The following PTPRM variants were observed in gnomAD, a reference collection of about 807,000 sequenced individuals.
PTPRM encodes the protein protein tyrosine phosphatase receptor type M.
Under a neutral mutation model 186.7 loss-of-function variants are expected in PTPRM, and 47 were observed. That is an observed-to-expected ratio of 0.25 (90% CI 0.20 to 0.32). The LOEUF is 0.32. Among genes scored for constraint, PTPRM ranks in the 10% least tolerant of loss-of-function variants. The pLI, the probability that PTPRM is intolerant of heterozygous loss-of-function variation, is 1.00. For synonymous variants in PTPRM, 668 were observed against 674.9 expected (o/e 0.99, Z 0.16); for missense variants, 1,494 against 1,865.0 (o/e 0.80, Z 3.66).
intron 31 of PTPRM, among the ~76,000 whole-genome samples, chr18:8,387,505 A>AG (rs2095783974): frequency 7.9e-6 from 1 of 127,354 alleles, no homozygotes; most frequent in South Asian, 2.5e-4. Context: ...TGCCAAGAGG[A>AG]AAAAAAAAAA....
At chr18:7,893,523 G>C (rs182430356) in intron 3 of PTPRM, among the ~76,000 whole-genome samples, 29 of 152,312 alleles carry the variant, frequency 1.9e-4, no homozygotes, top group Admixed American at 3.9e-4. Flanking sequence ...GAAGATCAGA[G>C]CAAAAATATT....
At chr18:7,871,143 A>G (rs1462110851) in intron 2 of PTPRM, among the ~76,000 whole-genome samples, 5 of 152,250 alleles carry the variant, frequency 3.3e-5, no homozygotes, top group Non-Finnish European at 5.9e-5. Context: ...ATAACTGTGG[A>G]CATGCTGTTC....
At chr18:7,632,046 A>G (rs565228843) in intron 1 of PTPRM, among the ~76,000 whole-genome samples, 22 of 152,352 alleles carry the variant, frequency 1.4e-4, no homozygotes, top group African/African-American at 5.3e-4. Context: ...GTTCTATGCT[A>G]GGCACGTTGT....
chr18:8,127,816 C>G (rs185176694), intron 13 of PTPRM, among the ~76,000 whole-genome samples: 1 of 152,088 alleles, frequency 6.6e-6, no homozygotes, highest in Non-Finnish European at 1.5e-5. Flanking sequence ...GAGAGCTGGC[C>G]CTACCATGAG....
At chr18:8,296,641 G>A (rs564088848) in intron 20 of PTPRM, among the ~76,000 whole-genome samples, 186 bp downstream of exon 20, 42 of 152,274 alleles carry the variant, frequency 2.8e-4, no homozygotes, top group African/African-American at 9.9e-4. Context: ...TCATTGTACT[G>A]TTGTCGTGGG....
At chr18:8,176,477 C>T (rs1472673684) in intron 14 of PTPRM, among the ~76,000 whole-genome samples, 1 of 152,052 alleles carries the variant, frequency 6.6e-6, no homozygotes, top group Non-Finnish European at 1.5e-5. Context: ...TCACAATGTC[C>T]CTGTGTGAAA....
intron 14 of PTPRM, among the ~76,000 whole-genome samples, chr18:8,220,018 C>T (rs2094137187): frequency 6.6e-6 from 1 of 152,098 alleles, no homozygotes; most frequent in Non-Finnish European, 1.5e-5. Flanking sequence ...CCATCACATC[C>T]AGGAACTCAG....
intron 3 of PTPRM, among the ~76,000 whole-genome samples, chr18:7,889,087 C>T (rs1277935532): frequency 1.3e-5 from 2 of 152,094 alleles, no homozygotes; most frequent in Non-Finnish European, 2.9e-5. Context: ...AACAAACCTG[C>T]ACCTGTTCCT....
intron 4 of PTPRM, among the ~76,000 whole-genome samples, chr18:7,924,773 G>A (rs1007704050): frequency 3.3e-5 from 5 of 152,172 alleles, no homozygotes; most frequent in Non-Finnish European, 1.5e-5. Flanking sequence ...GAAGCTTCAT[G>A]GAAGGAACAG....
At position 7,991,567 on chromosome 18, in the gene PTPRM, A is replaced by G. The variant is rs146551762; in HGVS notation, c.1132+36153A>G. ...GGTCTAATTTCATTAACATTCTTGC[A>G]GCAAATAATTTTCCTGAATGAAAGG... On this transcript the variant is annotated intron_variant, in intron 7 of 32. Transcript: ENST00000580170. Among the ~76,000 whole-genome samples the G allele has an allele frequency of 1.4e-4, 21 of 152,318 alleles. No homozygotes were observed. The East Asian group carries it at 3.9e-3, about 28-fold the overall frequency.
Position 8,296,402 on chromosome 18 carries a change from C to G in PTPRM, c.2789C>G (p.Ser930Trp), listed in dbSNP as rs144207270. The change falls in exon 20 of 33, where the codon TCG (serine) becomes TGG (tryptophan). Residue 930 changes from serine (S) to tryptophan (W), a missense_variant. Transcript: ENST00000580170. ...GAAGGGCAGTCTGCACCATGGGACT[C>G]GGCTAAGAAAGATGAGAACAGAATG... ...FFEGQSAPWD[S>W]AKKDENRMKN... The G allele has an allele frequency of 2.4e-4, 381 of 1,611,302 alleles. 1 individual carries two copies. In the African/African-American group the frequency reaches 4.5e-3, roughly 19 times the overall value.
chr18:7,757,855 G>T (rs1279172089), intron 1 of PTPRM, among the ~76,000 whole-genome samples: 2 of 152,056 alleles, frequency 1.3e-5, no homozygotes. Flanking sequence ...CCCAAGCCCA[G>T]GGTGAAGAGT....
chr18:7,687,029 G>T (rs940984162), intron 1 of PTPRM, among the ~76,000 whole-genome samples: 2 of 152,116 alleles, frequency 1.3e-5, no homozygotes, highest in African/African-American at 4.8e-5. Context: ...TAAGGTTATT[G>T]CTTCTGGCTT....
At chr18:8,222,417 A>G (rs2094163839) in intron 14 of PTPRM, among the ~76,000 whole-genome samples, 1 of 152,192 alleles carries the variant, frequency 6.6e-6, no homozygotes, top group South Asian at 2.1e-4. Flanking sequence ...TCAACCCCCT[A>G]CAAAGTAGAT....
chr18:7,917,473 T>G (rs981377821), intron 4 of PTPRM, among the ~76,000 whole-genome samples: 5 of 152,096 alleles, frequency 3.3e-5, no homozygotes, highest in African/African-American at 1.2e-4. Flanking sequence ...GAGGCGGAGG[T>G]TGCAGTGAGC....
chr18:7,814,371 T>G (rs906201299), intron 2 of PTPRM: 2 of 152,106 alleles, frequency 1.3e-5, no homozygotes, highest in African/African-American at 4.8e-5. Flanking sequence ...GGTAAAATTA[T>G]AAAAAAGGAA....
At chr18:8,149,118 G>A (rs147239722) in intron 14 of PTPRM, among the ~76,000 whole-genome samples, 518 of 152,284 alleles carry the variant, frequency 3.4e-3, no homozygotes, top group African/African-American at 0.012. Context: ...AAAGAAGAAT[G>A]CATATTCTGT....
At chr18:8,000,653 A>G (rs567959789) in intron 7 of PTPRM, among the ~76,000 whole-genome samples, 2 of 152,334 alleles carry the variant, frequency 1.3e-5, no homozygotes, top group Non-Finnish European at 2.9e-5. Flanking sequence ...ATTAGTCTAA[A>G]GTGGCATCTT....
intron 9 of PTPRM, among the ~76,000 whole-genome samples, chr18:8,082,509 C>T (rs536172932): frequency 1.4e-5 from 2 of 138,028 alleles, no homozygotes; most frequent in Non-Finnish European, 3.1e-5. Context: ...TTCTCTCCCT[C>T]CCTCCCTCTC....
Sources: gnomAD v4.1 joint callset for allele counts (sites outside exome capture counted in the v4.1 genomes callset) on GRCh38, gnomAD v4.1.1 for gene constraint, MANE v1.5 for transcripts, NCBI Gene and HGNC (gene_info 2026-07-23, HGNC 2026-07-21) for gene names.